Variants in ADCY2 observed in about 807,000 individuals in gnomAD.
ADCY2 encodes the protein adenylate cyclase type 2.
Under a neutral mutation model 125.2 loss-of-function variants are expected in ADCY2, and 31 were observed. The observed-to-expected ratio is 0.25, with a 90% CI of 0.19 to 0.33. The LOEUF is 0.33. Ranked by LOEUF, ADCY2 falls within the 10% of genes least tolerant of loss-of-function variation. The probability of loss-of-function intolerance (pLI) is 1.00; values close to 1 mark genes in which losing one functional copy is unlikely to be tolerated. For missense variants in ADCY2, 904 were observed against 1,418.2 expected, an observed-to-expected ratio of 0.64 and a Z score of 5.82; for synonymous variants, 512 against 548.4, an observed-to-expected ratio of 0.93 and a Z score of 0.93.
At chr5:7,793,172 G>T (rs1386059996) in intron 20 of ADCY2, among the ~76,000 whole-genome samples, 2 of 152,058 alleles carry the variant, frequency 1.3e-5, no homozygotes, top group East Asian at 3.9e-4. Flanking sequence ...GTGTCAGCTG[G>T]GTGCGGTGGC....
chr5:7,654,512 A>G (rs775754120), intron 4 of ADCY2, among the ~76,000 whole-genome samples: 1 of 152,196 alleles, frequency 6.6e-6, no homozygotes, highest in South Asian at 2.1e-4. Context: ...AAGCTCTGAC[A>G]GGAGCAGGAG....
rs571902447 is a variant in ADCY2, at chr5:7,490,590, T to C, written c.409-30148T>C. 8.5e-5 allele frequency among the ~76,000 whole-genome samples: 13 copies of C among 152,200 alleles called. No homozygotes were observed. The South Asian group carries it at 2.7e-3, about 32-fold the overall frequency. ...AAATGTAAAGAATAGAAATGTACCT[T>C]ATAGGTAATCAGCACATGTATTTCA... On this transcript the variant is annotated intron_variant, in intron 2 of 24. Transcript: ENST00000338316.
At chr5:7,600,052 G>T (rs1737150515) in intron 3 of ADCY2, among the ~76,000 whole-genome samples, 1 of 152,188 alleles carries the variant, frequency 6.6e-6, no homozygotes, top group Non-Finnish European at 1.5e-5. Context: ...GCAGGTTCCT[G>T]TGCTGGGTCC....
intron 2 of ADCY2, among the ~76,000 whole-genome samples, chr5:7,461,646 G>T (rs1741922027): frequency 6.6e-6 from 1 of 152,176 alleles, no homozygotes; most frequent in Non-Finnish European, 1.5e-5. Flanking sequence ...CCACTCTTTT[G>T]TATGGGGCTC....
At chr5:7,730,346 C>T (rs954676905) in intron 14 of ADCY2, among the ~76,000 whole-genome samples, 1 of 152,066 alleles carries the variant, frequency 6.6e-6, no homozygotes, top group African/African-American at 2.4e-5. Context: ...AACATTTATG[C>T]TTAATTCAAT....
At chr5:7,485,914 A>T (rs1226384917) in intron 2 of ADCY2, among the ~76,000 whole-genome samples, 1 of 152,202 alleles carries the variant, frequency 6.6e-6, no homozygotes, top group Non-Finnish European at 1.5e-5. Context: ...GATGTTAAAG[A>T]TATTTACAGT....
intron 2 of ADCY2, among the ~76,000 whole-genome samples, chr5:7,471,869 T>G (rs937520107): frequency 1.3e-5 from 2 of 152,118 alleles, no homozygotes; most frequent in African/African-American, 4.8e-5. Context: ...GTTTATGTTC[T>G]TGCATAGTGT....
At chr5:7,822,604 C>T (rs1489288568) in intron 24 of ADCY2, among the ~76,000 whole-genome samples, 1 of 152,184 alleles carries the variant, frequency 6.6e-6, no homozygotes, top group East Asian at 1.9e-4. Context: ...CCAGTGAGCT[C>T]ATCAGTGAGC....
intron 15 of ADCY2, among the ~76,000 whole-genome samples, chr5:7,756,016 T>C (rs1343622455): frequency 6.6e-6 from 1 of 152,266 alleles, no homozygotes; most frequent in Non-Finnish European, 1.5e-5. Flanking sequence ...TTCTTCTGAA[T>C]TTCTTGAAAT....
intron 14 of ADCY2, among the ~76,000 whole-genome samples, chr5:7,728,905 T>G (rs1204287859): frequency 6.6e-6 from 1 of 152,154 alleles, no homozygotes; most frequent in Non-Finnish European, 1.5e-5. Flanking sequence ...GGAAAAACGT[T>G]TCATGGGATT....
At chr5:7,414,795 A>G in intron 2 of ADCY2, 25 bp downstream of exon 2, 1 of 1,577,462 alleles carries the variant, frequency 6.3e-7, no homozygotes, top group Non-Finnish European at 8.6e-7. Context: ...TATTTTTTGT[A>G]CTTCTTTTAT....
chr5:7,534,205 TA>T (rs1734743807), intron 3 of ADCY2, among the ~76,000 whole-genome samples: 1 of 152,222 alleles, frequency 6.6e-6, no homozygotes, highest in Admixed American at 6.5e-5. Context: ...TGTTCTCTTC[TA>T]GTGTCTTTTC....
intron 4 of ADCY2, among the ~76,000 whole-genome samples, chr5:7,671,784 C>CT (rs111320562): frequency 0.013 from 1,900 of 146,458 alleles, 29 homozygotes; most frequent in African/African-American, 0.034. Flanking sequence ...CTCAAGTAGA[C>CT]TTTTTTTTTT....
intron 4 of ADCY2, among the ~76,000 whole-genome samples, chr5:7,674,796 ACTGAACCATGAC>A (rs1273302463): frequency 3.9e-5 from 6 of 152,090 alleles, no homozygotes; most frequent in Non-Finnish European, 7.4e-5. Flanking sequence ...AGTTTATAAT[ACTGAACCATGAC>A]CTTTTTTGTG....
chr5:7,822,459 G>A (rs1745330775), intron 24 of ADCY2, among the ~76,000 whole-genome samples: 1 of 152,202 alleles, frequency 6.6e-6, no homozygotes, highest in South Asian at 2.1e-4. Flanking sequence ...CCCCCTCAGA[G>A]GCACAAACAT....
At chr5:7,547,643 A>G (rs1364188259) in intron 3 of ADCY2, among the ~76,000 whole-genome samples, 1 of 152,194 alleles carries the variant, frequency 6.6e-6, no homozygotes, top group Non-Finnish European at 1.5e-5. Flanking sequence ...CGTGCCTGGC[A>G]TACCCAGTTC....
intron 2 of ADCY2, among the ~76,000 whole-genome samples, chr5:7,499,668 T>TAC (rs1180199813): frequency 5.0e-5 from 6 of 119,694 alleles, no homozygotes; most frequent in Non-Finnish European, 1.2e-4. Flanking sequence ...TATATATATA[T>TAC]ATATATATAT....
At chr5:7,543,541 T>G (rs1402301584) in intron 3 of ADCY2, among the ~76,000 whole-genome samples, 3 of 152,184 alleles carry the variant, frequency 2.0e-5, no homozygotes, top group Non-Finnish European at 4.4e-5. Context: ...CCCCAACAGT[T>G]AGTGAGTCCC....
At chr5:7,688,547 G>T (rs1376629312) in intron 4 of ADCY2, among the ~76,000 whole-genome samples, 1 of 152,110 alleles carries the variant, frequency 6.6e-6, no homozygotes, top group East Asian at 1.9e-4. Context: ...GGGACTACAG[G>T]TATCAGCTAC....
Sources: allele counts gnomAD v4.1 joint callset (sites outside exome capture counted in the v4.1 genomes callset), GRCh38; gene constraint gnomAD v4.1.1; transcripts MANE v1.5; gene names NCBI Gene and HGNC (gene_info 2026-07-23, HGNC 2026-07-21).